The following RBFOX1 variants were observed in gnomAD, a reference collection of about 807,000 sequenced individuals.
The protein encoded by RBFOX1 is RNA binding protein fox-1 homolog 1.
RBFOX1 carries 8 observed loss-of-function variants against 57.7 expected under a neutral mutation model. The ratio of observed to expected loss-of-function variants is 0.14; its 90% CI spans 0.08 to 0.25. RBFOX1 has a LOEUF of 0.25. RBFOX1 is among the 10% of genes least tolerant of loss of function. The probability of loss-of-function intolerance (pLI) is 1.00; values close to 1 mark genes in which losing one functional copy is unlikely to be tolerated. For missense variants in RBFOX1, 611 were observed against 548.5 expected, an observed-to-expected ratio of 1.11 and a Z score of -1.14; for synonymous variants, 326 against 222.4, an observed-to-expected ratio of 1.47 and a Z score of -4.15.
At chr16:6,081,599 C>G (rs1188557206) in intron 1 of RBFOX1, among the ~76,000 whole-genome samples, 5 of 152,172 alleles carry the variant, frequency 3.3e-5, no homozygotes, top group African/African-American at 9.7e-5. Context: ...TTAACCATTA[C>G]AAAGAGCTTC....
chr16:6,541,428 G>C (rs185955885), intron 2 of RBFOX1, among the ~76,000 whole-genome samples: 54 of 152,326 alleles, frequency 3.5e-4, no homozygotes, highest in African/African-American at 1.3e-3. Context: ...TGCTCACATG[G>C]AGTTGGTCAC....
At chr16:6,419,553 A>G (rs2093717881) in intron 2 of RBFOX1, among the ~76,000 whole-genome samples, 2 of 152,228 alleles carry the variant, frequency 1.3e-5, no homozygotes, top group Non-Finnish European at 2.9e-5. Flanking sequence ...TAAGCAGTGG[A>G]GGCAGAGGAG....
chr16:6,714,585 A>C (rs1303075190), intron 3 of RBFOX1, among the ~76,000 whole-genome samples: 1 of 152,096 alleles, frequency 6.6e-6, no homozygotes, highest in Non-Finnish European at 1.5e-5. Flanking sequence ...CCTGCTGCAC[A>C]GGTAGGAAAT....
At chr16:6,865,573 T>C (rs2059775347) in intron 3 of RBFOX1, among the ~76,000 whole-genome samples, 1 of 152,188 alleles carries the variant, frequency 6.6e-6, no homozygotes, top group African/African-American at 2.4e-5. Flanking sequence ...TTTGTATTAA[T>C]TGTAGATAAT....
At chr16:5,736,801 C>T (rs549194497) in intron 3 of RBFOX1, among the ~76,000 whole-genome samples, 2 of 151,342 alleles carry the variant, frequency 1.3e-5, no homozygotes, top group South Asian at 4.2e-4. Flanking sequence ...GTGAATTTGT[C>T]TTTGTCTCTT....
At position 7,191,138 on chromosome 16, in the gene RBFOX1, A is replaced by G. The variant is rs939267640; in HGVS notation, c.27+139040A>G. ...GGAAAATCCATCTTAATTCTTCACC[A>G]TCATACTTTATAGTTAGTGCTCTCT... is the stretch of plus-strand genomic sequence containing the variant. On this transcript the variant is annotated intron_variant, in intron 4 of 15. Coordinates refer to ENST00000550418, the MANE Select transcript of RBFOX1 (RefSeq NM_018723.4). 2.2e-4 allele frequency among the ~76,000 whole-genome samples: 34 copies of G among 152,224 alleles called. 1 individual carries two copies. Among genetic ancestry groups the G allele is most frequent in the Middle Eastern group, 6.8e-3 (2 of 294 alleles).
intron 4 of RBFOX1, among the ~76,000 whole-genome samples, chr16:7,513,891 A>C (rs866916104): frequency 2.0e-5 from 3 of 152,200 alleles, no homozygotes; most frequent in African/African-American, 7.2e-5. Context: ...ATTCCCCAAA[A>C]GATTCTGACC....
chr16:6,388,506 A>T (rs1343615413), intron 2 of RBFOX1, among the ~76,000 whole-genome samples: 1 of 152,102 alleles, frequency 6.6e-6, no homozygotes, highest in Non-Finnish European at 1.5e-5. Context: ...TTTGTCTTTT[A>T]GTTGACAAAT....
intron 1 of RBFOX1, among the ~76,000 whole-genome samples, chr16:5,248,294 C>T (rs1368845599): frequency 1.3e-5 from 2 of 152,242 alleles, no homozygotes; most frequent in Non-Finnish European, 2.9e-5. Flanking sequence ...TGCTAATAAC[C>T]AGATGGTGCA....
At chr16:5,769,926 C>A (rs569571592) in intron 3 of RBFOX1, among the ~76,000 whole-genome samples, 1 of 152,070 alleles carries the variant, frequency 6.6e-6, no homozygotes, top group African/African-American at 2.4e-5. Flanking sequence ...GGCAAGGATA[C>A]CTTGGAAGAA....
intron 5 of RBFOX1, among the ~76,000 whole-genome samples, chr16:7,577,687 T>C (rs2093442938): frequency 6.6e-6 from 1 of 152,218 alleles, no homozygotes; most frequent in African/African-American, 2.4e-5. Flanking sequence ...GAGGATCACT[T>C]GAGGCCAGAG....
chr16:7,603,061 G>T (rs1056066228), intron 9 of RBFOX1, among the ~76,000 whole-genome samples: 1 of 152,030 alleles, frequency 6.6e-6, no homozygotes, highest in African/African-American at 2.4e-5. Flanking sequence ...AAAGTCTATG[G>T]GATACAGCAA....
intron 4 of RBFOX1, chr16:7,328,716 G>T (rs1273189790): frequency 6.6e-6 from 1 of 151,686 alleles, no homozygotes; most frequent in Non-Finnish European, 1.5e-5. Context: ...GAAATCTCTG[G>T]CACAGGGAAA....
At chr16:7,062,909 T>A (rs2054893287) in intron 4 of RBFOX1, among the ~76,000 whole-genome samples, 1 of 138,816 alleles carries the variant, frequency 7.2e-6, no homozygotes. Context: ...TTTTTTTTTT[T>A]TTTTTTTTTT....
chr16:6,512,187 G>A (rs2096268110), intron 2 of RBFOX1, among the ~76,000 whole-genome samples: 1 of 148,928 alleles, frequency 6.7e-6, no homozygotes, highest in Non-Finnish European at 1.5e-5. Flanking sequence ...GGGTTGCTGA[G>A]GTCGTAGGAT....
rs949648968 is a variant in RBFOX1, at chr16:6,459,172, A to G, written c.-64+142115A>G. 3.9e-5 allele frequency among the ~76,000 whole-genome samples: 6 copies of G among 152,172 alleles called. No homozygotes were observed. The East Asian group carries it at 1.2e-3, about 29-fold the overall frequency. On this transcript the variant is annotated intron_variant, in intron 2 of 15. Coordinates refer to ENST00000550418, the MANE Select transcript of RBFOX1 (RefSeq NM_018723.4). ...AACACAGTGAAACCCCGTCTCTACT[A>G]AAACTACAAAAAAATTAGCCGGCCA...
chr16:7,362,570 T>C (rs1176438892), intron 4 of RBFOX1, among the ~76,000 whole-genome samples: 1 of 151,702 alleles, frequency 6.6e-6, no homozygotes, highest in African/African-American at 2.4e-5. Context: ...TTTGTTTGCA[T>C]GTTAGTGTGT....
chr16:5,740,724 G>A (rs2052742594), intron 3 of RBFOX1, among the ~76,000 whole-genome samples: 1 of 152,164 alleles, frequency 6.6e-6, no homozygotes, highest in African/African-American at 2.4e-5. Context: ...AGCTGTCATG[G>A]TGGCAAAAGG....
intron 3 of RBFOX1, among the ~76,000 whole-genome samples, chr16:6,927,579 G>C (rs189389503): frequency 6.6e-6 from 1 of 151,926 alleles, no homozygotes; most frequent in African/African-American, 2.4e-5. Flanking sequence ...ATTCACTGCT[G>C]TGTCCTGTGT....
Sources: allele counts gnomAD v4.1 joint callset (sites outside exome capture counted in the v4.1 genomes callset), GRCh38; gene constraint gnomAD v4.1.1; transcripts MANE v1.5; gene names NCBI Gene and HGNC (gene_info 2026-07-23, HGNC 2026-07-21).